Variants in RYR3 observed in about 807,000 individuals in gnomAD.
The protein encoded by RYR3 is brain ryanodine receptor-calcium release channel.
In RYR3, 207 loss-of-function variants were observed where a neutral mutation model predicts 584.3. That is an observed-to-expected ratio of 0.35 (90% confidence interval 0.32 to 0.40). The LOEUF is 0.40. RYR3 is among the 10% of genes least tolerant of loss of function. The pLI, the probability that RYR3 is intolerant of heterozygous loss-of-function variation, is 1.00. For synonymous variants in RYR3, 2,416 were observed against 2,248.5 expected, an observed-to-expected ratio of 1.07 and a Z score of -2.11; for missense variants, 5,616 against 6,089.2, an observed-to-expected ratio of 0.92 and a Z score of 2.59.
chr15:33,376,866 T>C (rs908067294), intron 1 of RYR3, among the ~76,000 whole-genome samples: 2 of 152,240 alleles, frequency 1.3e-5, no homozygotes, highest in African/African-American at 4.8e-5. Context: ...CTAGCACCAC[T>C]TGTTGAAAAT....
intron 38 of RYR3, among the ~76,000 whole-genome samples, chr15:33,688,818 A>G (rs1383571319): frequency 1.3e-5 from 2 of 152,150 alleles, no homozygotes; most frequent in African/African-American, 4.8e-5. Context: ...ACAGTGTGGC[A>G]ATTCCTCAAG....
intron 93 of RYR3, among the ~76,000 whole-genome samples, chr15:33,845,531 A>T (rs953814337): frequency 6.6e-6 from 1 of 152,180 alleles, no homozygotes; most frequent in East Asian, 1.9e-4. Context: ...TGGGATTACA[A>T]GCATGAGCCA....
intron 34 of RYR3, among the ~76,000 whole-genome samples, chr15:33,660,801 T>C (rs1350155356): frequency 6.6e-6 from 1 of 152,230 alleles, no homozygotes; most frequent in Admixed American, 6.5e-5. Context: ...GAGGTGCTAT[T>C]AATTATGGCT....
intron 42 of RYR3, among the ~76,000 whole-genome samples, chr15:33,701,631 C>G (rs1210881112): frequency 2.0e-5 from 3 of 151,758 alleles, no homozygotes; most frequent in African/African-American, 7.3e-5. Flanking sequence ...CTGAGTGGAG[C>G]AGAGCAACCT....
At chr15:33,686,770 C>T (rs8037943) in intron 38 of RYR3, among the ~76,000 whole-genome samples, 21,774 of 152,178 alleles carry the variant, frequency 0.14, 1,748 homozygotes, top group African/African-American at 0.22. Flanking sequence ...GTTCAACATA[C>T]AGAAATCAAT....
chr15:33,528,095 G>T (rs1176912737), intron 3 of RYR3, among the ~76,000 whole-genome samples: 1 of 152,054 alleles, frequency 6.6e-6, no homozygotes, highest in Non-Finnish European at 1.5e-5. Flanking sequence ...TACTTCTGTG[G>T]CTTGACCGTC....
rs7177427 is a variant in RYR3 at position 33,656,375 on chromosome 15, C to T, written c.4309-3345C>T. ...GCTCCTTGAGGGCAGAGGCCCTCTC[C>T]TGTGCTCACTGCCGCCTCCCCATGC... On this transcript the variant is annotated intron_variant, in intron 32 of 103. Coordinates refer to ENST00000634891, the MANE Select transcript of RYR3 (RefSeq NM_001036.6). Among the ~76,000 whole-genome samples the T allele has an allele frequency of 3.3e-3, 497 of 152,312 alleles. 6 individuals are homozygous for T. Among genetic ancestry groups the T allele is most frequent in the African/African-American group, 0.011 (457 of 41,558 alleles).
intron 2 of RYR3, among the ~76,000 whole-genome samples, chr15:33,478,039 A>T (rs2082752): frequency 0.45 from 67,420 of 151,486 alleles, 15,819 homozygotes; most frequent in Non-Finnish European, 0.52. Context: ...TAGGAATTTA[A>T]TACTTTCCCT....
intron 28 of RYR3, 51 bp downstream of exon 28, chr15:33,644,570 C>A: frequency 7.1e-7 from 1 of 1,418,310 alleles, no homozygotes; most frequent in Non-Finnish European, 9.9e-7. Context: ...GGCCAAGGCC[C>A]TAAGCTTGCC....
intron 16 of RYR3, among the ~76,000 whole-genome samples, chr15:33,595,832 T>A (rs7164344): frequency 0.13 from 20,286 of 151,878 alleles, 2,118 homozygotes; most frequent in East Asian, 0.58. Context: ...TAAAAAAAAA[T>A]TTATCTCAGT....
At chr15:33,834,001 A>C (rs1053546301) in intron 86 of RYR3, among the ~76,000 whole-genome samples, 4 of 152,196 alleles carry the variant, frequency 2.6e-5, no homozygotes, top group Non-Finnish European at 4.4e-5. Flanking sequence ...GAGATTATTG[A>C]CCGCGCACTG....
intron 1 of RYR3, among the ~76,000 whole-genome samples, chr15:33,427,012 A>T (rs997358036): frequency 6.6e-6 from 1 of 152,180 alleles, no homozygotes; most frequent in African/African-American, 2.4e-5. Context: ...CCTCCTCCAA[A>T]TGCCATCACA....
intron 80 of RYR3, among the ~76,000 whole-genome samples, chr15:33,822,445 T>C (rs1429750): frequency 0.73 from 110,995 of 152,228 alleles, 40,953 homozygotes; most frequent in South Asian, 0.85. Flanking sequence ...TCCAATTTTT[T>C]ATTAAAAACT....
At position 33,768,645 on chromosome 15, in the gene RYR3, T is replaced by G. The variant is rs373862911; in HGVS notation, c.8706-13T>G. 2.0e-5 allele frequency: 32 copies of G among 1,613,650 alleles called. No individual in the cohort carries two copies. Among genetic ancestry groups the G allele is most frequent in the Non-Finnish European group, 2.5e-5 (29 of 1,179,662 alleles). On this transcript the variant is annotated splice_polypyrimidine_tract_variant and intron_variant, in intron 60 of 103. Transcript: ENST00000634891. ...CTCTGTGACTTTCTGAATTGCTTTC[T>G]TTTCTGCTTCAGCCTGTTCTGCAAA...
chr15:33,605,292 A>G (rs1269287732), intron 18 of RYR3, among the ~76,000 whole-genome samples: 1 of 152,180 alleles, frequency 6.6e-6, no homozygotes, highest in Non-Finnish European at 1.5e-5. Context: ...TACTCTGTGC[A>G]TTTCAGGACC....
At chr15:33,704,374 A>C (rs1473902246) in intron 42 of RYR3, among the ~76,000 whole-genome samples, 1 of 152,166 alleles carries the variant, frequency 6.6e-6, no homozygotes, top group Non-Finnish European at 1.5e-5. Flanking sequence ...CCAGCTGCAA[A>C]CGGAGTAAGT....
intron 64 of RYR3, among the ~76,000 whole-genome samples, chr15:33,775,206 G>C (rs1321227923): frequency 1.3e-5 from 2 of 152,160 alleles, no homozygotes; most frequent in African/African-American, 4.8e-5. Context: ...TCAAGGCTTG[G>C]AGAAGCCCCT....
chr15:33,699,412 T>C (rs2066129300), intron 40 of RYR3, among the ~76,000 whole-genome samples: 2 of 151,998 alleles, frequency 1.3e-5, no homozygotes, highest in African/African-American at 4.8e-5. Context: ...TCTCTGTCTC[T>C]GAATTCTGTC....
chr15:33,751,436 A>T (rs919622148), intron 57 of RYR3, among the ~76,000 whole-genome samples: 1 of 152,158 alleles, frequency 6.6e-6, no homozygotes, highest in Non-Finnish European at 1.5e-5. Context: ...TCTAACTGGC[A>T]TGAGATGGTA....
Sources: allele counts gnomAD v4.1 joint callset (sites outside exome capture counted in the v4.1 genomes callset), GRCh38; gene constraint gnomAD v4.1.1; transcripts MANE v1.5; gene names NCBI Gene and HGNC (gene_info 2026-07-23, HGNC 2026-07-21).